FSD1L: variants seen among roughly 807,000 people sequenced by gnomAD.
The protein encoded by FSD1L is FSD1-like protein.
A neutral mutation model predicts 71.6 loss-of-function variants in FSD1L; 45 were observed. That is an observed-to-expected ratio of 0.63 (90% CI 0.49 to 0.81). FSD1L has a LOEUF of 0.81. Among genes scored for constraint, FSD1L ranks in the 30% least tolerant of loss-of-function variants. The probability of loss-of-function intolerance (pLI) is 0.00; values close to 1 mark genes in which losing one functional copy is unlikely to be tolerated. For synonymous variants in FSD1L, 197 were observed against 207.2 expected, an observed-to-expected ratio of 0.95 and a Z score of 0.42; for missense variants, 561 against 618.1, an observed-to-expected ratio of 0.91 and a Z score of 0.98.
intron 13 of FSD1L, 62 bp downstream of exon 13, chr9:105,539,413 A>C: frequency 1.4e-6 from 1 of 702,910 alleles, no homozygotes; most frequent in Non-Finnish European, 2.3e-6. Flanking sequence ...AACTTTAAGG[A>C]GAATATTCTA....
At chr9:105,524,978 GA>G in intron 10 of FSD1L, 2 of 1,608,130 alleles carry the variant, frequency 1.2e-6, no homozygotes, top group Non-Finnish European at 1.7e-6. Flanking sequence ...GATCAGATCA[GA>G]AGAGAATATG....
intron 1 of FSD1L, among the ~76,000 whole-genome samples, chr9:105,450,405 A>C (rs1477853898): frequency 6.6e-6 from 1 of 152,232 alleles, no homozygotes; most frequent in East Asian, 1.9e-4. Flanking sequence ...CTCTGGAGCC[A>C]AGTCTCCAGT....
intron 10 of FSD1L, chr9:105,522,311 A>C (rs964369438): frequency 1.9e-6 from 3 of 1,613,974 alleles, no homozygotes; most frequent in Non-Finnish European, 2.5e-6. Flanking sequence ...GTGATTTACC[A>C]TTGGATAAGC....
rs557256711 is a variant in FSD1L, at chr9:105,496,004, G to C, written c.587-10395G>C. 9.9e-5 allele frequency among the ~76,000 whole-genome samples: 15 copies of C among 151,342 alleles called. No individual in the cohort carries two copies. In the East Asian group the frequency reaches 2.5e-3, roughly 25 times the overall value. On this transcript the variant is annotated intron_variant, in intron 7 of 13. Coordinates refer to ENST00000481272, the MANE Select transcript of FSD1L (RefSeq NM_001145313.3). Reference sequence around the variant, plus strand: ...AAAAAAAGAAAAGGAATTCTGTGTAGTCCTTATCAGATGTTTCTTTTGCAA... The same window carrying C: ...AAAAAAAGAAAAGGAATTCTGTGTACTCCTTATCAGATGTTTCTTTTGCAA...
At chr9:105,539,149 CA>C in intron 12 of FSD1L, 113 bp from the exon 13 acceptor site, 1 of 593,722 alleles carries the variant, frequency 1.7e-6, no homozygotes, top group Non-Finnish European at 2.9e-6. Flanking sequence ...AGTCCTCATA[CA>C]AAAATTAATG....
rs116540035 is a variant in FSD1L, at chr9:105,458,953, G to A, written c.16-2567G>A. ...TAAATTTGGAGGTCCTGGAGGGATA[G>A]ACTGGGGTAGAAAACTCGTTGAATT... On this transcript the variant is annotated intron_variant, in intron 1 of 13. Transcript: ENST00000481272. 2.0e-3 allele frequency among the ~76,000 whole-genome samples: 308 copies of A among 152,332 alleles called. 1 individual carries two copies. The highest frequency in any genetic ancestry group is 7.0e-3 in the African/African-American group (290 of 41,562).
chr9:105,509,834 G>A (rs573207275), intron 9 of FSD1L, among the ~76,000 whole-genome samples: 1 of 152,302 alleles, frequency 6.6e-6, no homozygotes, highest in African/African-American at 2.4e-5. Context: ...ATCAAACTGA[G>A]ATGTTATTGT....
intron 1 of FSD1L, among the ~76,000 whole-genome samples, chr9:105,452,213 T>G (rs1830049920): frequency 6.6e-6 from 1 of 152,238 alleles, no homozygotes; most frequent in South Asian, 2.1e-4. Flanking sequence ...TGTACCTTAC[T>G]AGTTCTGAGA....
At chr9:105,503,339 G>T (rs1329234404) in intron 7 of FSD1L, among the ~76,000 whole-genome samples, 2 of 151,994 alleles carry the variant, frequency 1.3e-5, no homozygotes, top group African/African-American at 4.8e-5. Context: ...CCACTATAAT[G>T]TATCCTATAG....
At chr9:105,455,708 G>C (rs1425299432) in intron 1 of FSD1L, among the ~76,000 whole-genome samples, 1 of 152,074 alleles carries the variant, frequency 6.6e-6, no homozygotes, top group Non-Finnish European at 1.5e-5. Flanking sequence ...TTAACATCTT[G>C]AATCTTTCCT....
At chr9:105,487,784 T>C (rs1392252275) in intron 7 of FSD1L, among the ~76,000 whole-genome samples, 1 of 152,152 alleles carries the variant, frequency 6.6e-6, no homozygotes, top group Non-Finnish European at 1.5e-5. Flanking sequence ...TTAGATTTTA[T>C]AAAGGTCTTA....
At chr9:105,499,810 A>G (rs150236712) in intron 7 of FSD1L, among the ~76,000 whole-genome samples, 67 of 151,884 alleles carry the variant, frequency 4.4e-4, no homozygotes, top group African/African-American at 1.5e-3. Context: ...AATTTCCATT[A>G]TACATATTTA....
At chr9:105,500,664 T>TG (rs1303728142) in intron 7 of FSD1L, 2 of 152,236 alleles carry the variant, frequency 1.3e-5, no homozygotes, top group African/African-American at 4.8e-5. Context: ...GGTGAGAACC[T>TG]GGTAAGCTCC....
At chr9:105,478,748 T>G (rs1295395184) in intron 5 of FSD1L, among the ~76,000 whole-genome samples, 1 of 152,186 alleles carries the variant, frequency 6.6e-6, no homozygotes, top group Non-Finnish European at 1.5e-5. Context: ...AAAGACCCCA[T>G]TGCTAGAAGT....
chr9:105,514,084 A>T (rs914504651), intron 10 of FSD1L, among the ~76,000 whole-genome samples: 1 of 152,228 alleles, frequency 6.6e-6, no homozygotes, highest in African/African-American at 2.4e-5. Flanking sequence ...CATTGCTAAA[A>T]TTATCAAGAC....
At chr9:105,532,449 C>G (rs536887470) in intron 10 of FSD1L, among the ~76,000 whole-genome samples, 1 of 152,248 alleles carries the variant, frequency 6.6e-6, no homozygotes, top group South Asian at 2.1e-4. Context: ...TCATCTCAAA[C>G]CTTGAAGAAG....
chr9:105,452,653 GCCTGCCTGCCTGCCTGCCTT>G (rs1236959233), intron 1 of FSD1L, among the ~76,000 whole-genome samples: 45 of 130,670 alleles, frequency 3.4e-4, no homozygotes, highest in Non-Finnish European at 5.2e-4. Flanking sequence ...CTGCCTGCCT[GCCTGCCTGCCTGCCTGCCTT>G]CCTTCCTTCC....
At chr9:105,466,459 G>A (rs946426623) in intron 3 of FSD1L, among the ~76,000 whole-genome samples, 6 of 152,024 alleles carry the variant, frequency 3.9e-5, no homozygotes, top group Non-Finnish European at 5.9e-5. Context: ...ATGGGAGGCC[G>A]AGTCAGGTGG....
chr9:105,491,510 C>T (rs541557826), intron 7 of FSD1L, among the ~76,000 whole-genome samples: 44 of 152,272 alleles, frequency 2.9e-4, no homozygotes, highest in African/African-American at 1.1e-3. Context: ...TGCCCAATTG[C>T]CCTGATCAGA....
Sources: gnomAD v4.1 joint callset for allele counts (sites outside exome capture counted in the v4.1 genomes callset) on GRCh38, gnomAD v4.1.1 for gene constraint, MANE v1.5 for transcripts, NCBI Gene and HGNC (gene_info 2026-07-23, HGNC 2026-07-21) for gene names.